Variants in BRCA1 observed in about 807,000 individuals in gnomAD.
BRCA1 encodes BRCA1 DNA repair associated, also known as breast cancer type 1 susceptibility protein.
Under a neutral mutation model 173.7 loss-of-function variants are expected in BRCA1, and 140 were observed. The observed-to-expected ratio is 0.81, with a 90% confidence interval of 0.70 to 0.93. BRCA1 has a LOEUF of 0.93. BRCA1 is among the 40% of genes least tolerant of loss of function. The probability of loss-of-function intolerance (pLI) is 0.00; values close to 1 mark genes in which losing one functional copy is unlikely to be tolerated. For missense variants in BRCA1, 1,983 were observed against 2,172.5 expected (o/e 0.91, Z 1.73); for synonymous variants, 662 against 756.0 (o/e 0.88, Z 2.04).
intron 1 of BRCA1, chr17:43,168,287 A>T: frequency 2.6e-6 from 1 of 382,762 alleles, no homozygotes; most frequent in Non-Finnish European, 5.2e-6. Flanking sequence ...CATTAGAAAA[A>T]CATGTATCTT....
intron 1 of BRCA1, among the ~76,000 whole-genome samples, chr17:43,135,108 A>C (rs1242021561): frequency 1.3e-5 from 2 of 152,242 alleles, no homozygotes; most frequent in Non-Finnish European, 2.9e-5. Flanking sequence ...CCATGGAATG[A>C]AGCACAAAGG....
chr17:43,067,498 C>T (rs1005623830), intron 16 of BRCA1, 110 bp downstream of exon 16: 40 of 821,962 alleles, frequency 4.9e-5, no homozygotes, highest in South Asian at 4.1e-4. Context: ...TCGTGATCTG[C>T]CCGCCTCGGC....
At chr17:43,074,192 C>G (rs1342816574) in intron 14 of BRCA1, 139 bp downstream of exon 14, 2 of 748,090 alleles carry the variant, frequency 2.7e-6, no homozygotes, top group Admixed American at 2.9e-5. Flanking sequence ...AGCTATTTTT[C>G]TAAAGTGGGC....
intron 1 of BRCA1, chr17:43,170,053 A>C (rs2056315710): frequency 1.2e-5 from 5 of 408,172 alleles, no homozygotes; most frequent in South Asian, 9.4e-5. Context: ...GAGTAGATGC[A>C]GGCAAGCTGG....
chr17:43,159,600 C>G (rs1352858813), intron 1 of BRCA1: 1 of 226,872 alleles, frequency 4.4e-6, no homozygotes, highest in African/African-American at 2.4e-5. Context: ...GACGGGGTCG[C>G]GGCCGGGCAG....
Position 43,074,454 on chromosome 17 carries a change from G to T in BRCA1, c.4552C>A (p.Gln1518Lys), listed in dbSNP as rs80356881. ...TCTTGAGATGGGTAGTTTCTATTCT[G>T]AAGACTCCCAGAGCAACTGTGCATG... is the stretch of plus-strand genomic sequence containing the variant. ...WYMHSCSGSL[Q>K]NRNYPSQEEL... The change falls in exon 14 of 23, where the codon CAG becomes AAG. Residue 1518 changes from glutamine (Q) to lysine (K), a missense_variant. Gln to Lys is a moderately conservative substitution (Grantham distance 53). Coordinates refer to ENST00000357654, the MANE Select transcript of BRCA1 (RefSeq NM_007294.4). 1.2e-6 allele frequency: 2 copies of T among 1,614,108 alleles called. No homozygotes were observed. The highest frequency in any genetic ancestry group is 1.7e-6 in the Non-Finnish European group (2 of 1,179,996).
chr17:43,078,154 G>A (rs924493228), intron 12 of BRCA1, among the ~76,000 whole-genome samples: 1 of 151,332 alleles, frequency 6.6e-6, no homozygotes, highest in African/African-American at 2.4e-5. Context: ...GCATGATCTC[G>A]GCTCACTGCA....
Position 43,120,938 on chromosome 17 carries a change from C to T in BRCA1, c.80+3079G>A, listed in dbSNP as rs565983370. Reference sequence around the variant, plus strand: ...AATTAGCCGGCCACGGTGGCGTGCGCCTATAATCCCAGCTACTCAGGAGGC... The same window carrying T: ...AATTAGCCGGCCACGGTGGCGTGCGTCTATAATCCCAGCTACTCAGGAGGC... On this transcript the variant is annotated intron_variant, in intron 2 of 22. Transcript: ENST00000357654. 2.0e-5 allele frequency among the ~76,000 whole-genome samples: 3 copies of T among 151,960 alleles called. No homozygotes were observed. In the South Asian group the frequency reaches 6.2e-4, roughly 32 times the overall value.
At chr17:43,139,381 T>G (rs901770576) in intron 1 of BRCA1, among the ~76,000 whole-genome samples, 1 of 151,888 alleles carries the variant, frequency 6.6e-6, no homozygotes, top group Non-Finnish European at 1.5e-5. Context: ...TTTTTTTTTT[T>G]GAGATAGAGT....
At chr17:43,079,213 G>C (rs1043415086) in intron 12 of BRCA1, 3 of 770,614 alleles carry the variant, frequency 3.9e-6, no homozygotes, top group Admixed American at 4.5e-5. Flanking sequence ...AAAAATGAAA[G>C]GCAGAGGGAA....
chr17:43,052,207 A>G (rs545715000), intron 19 of BRCA1, among the ~76,000 whole-genome samples: 2 of 152,344 alleles, frequency 1.3e-5, no homozygotes, highest in South Asian at 4.1e-4. Flanking sequence ...TAAGGTAGCC[A>G]TGAGTCACAT....
intron 1 of BRCA1, among the ~76,000 whole-genome samples, chr17:43,150,923 C>A (rs34534709): frequency 6.6e-6 from 1 of 151,928 alleles, no homozygotes; most frequent in Non-Finnish European, 1.5e-5. Context: ...GTGGTTTGGT[C>A]AACCTGACAG....
intron 1 of BRCA1, chr17:43,140,084 C>T (rs1882917229): frequency 2.8e-6 from 1 of 356,982 alleles, no homozygotes; most frequent in Non-Finnish European, 5.6e-6. Flanking sequence ...GCCCCATTCC[C>T]CATCCTCTGG....
chr17:43,060,400 C>T (rs1015198256), intron 18 of BRCA1, among the ~76,000 whole-genome samples: 1 of 152,060 alleles, frequency 6.6e-6, no homozygotes, highest in African/African-American at 2.4e-5. Flanking sequence ...GTTGGCCAGG[C>T]TGGTCTCAAA....
chr17:43,045,367 G>A lies in BRCA1; in HGVS notation c.*311C>T. On this transcript the variant is annotated 3_prime_UTR_variant, in exon 23 of 23. Transcript: ENST00000357654. ...AAGCCAACAACAGCCTGAATAGAAA[G>A]AATAGGGCTGATAAATAATGAATCA... is the stretch of plus-strand genomic sequence containing the variant. 1.7e-6 allele frequency: 1 copy of A among 600,742 alleles called. No individual in the cohort carries two copies. Among genetic ancestry groups the A allele is most frequent in the African/African-American group, 1.8e-5 (1 of 55,646 alleles). The allele number at this position is 600,742 out of a possible 1,614,324, so 37.2% of individuals were successfully genotyped here.
intron 9 of BRCA1, among the ~76,000 whole-genome samples, 198 bp downstream of exon 9, chr17:43,095,648 T>A (rs538407629): frequency 2.0e-5 from 3 of 151,794 alleles, no homozygotes; most frequent in African/African-American, 7.3e-5. Flanking sequence ...GAAGGTCTTA[T>A]TATAGGTACA....
At chr17:43,166,052 CTCTCTCTT>C (rs1371700293) in intron 1 of BRCA1, 2 of 151,154 alleles carry the variant, frequency 1.3e-5, no homozygotes, top group African/African-American at 2.4e-5. Context: ...CTTTGTATCT[CTCTCTCTT>C]TCTCTCTTTC....
At chr17:43,117,290 A>C (rs2055339122) in intron 2 of BRCA1, among the ~76,000 whole-genome samples, 1 of 152,090 alleles carries the variant, frequency 6.6e-6, no homozygotes, top group African/African-American at 2.4e-5. Flanking sequence ...AAAAATACAA[A>C]AATTAGCCGG....
chr17:43,148,011 C>T (rs1290078816), intron 1 of BRCA1, among the ~76,000 whole-genome samples: 11 of 152,238 alleles, frequency 7.2e-5, no homozygotes, highest in Non-Finnish European at 1.3e-4. Context: ...GGCTGGGGAG[C>T]TAATTTCACT....
Sources: gnomAD v4.1 joint callset for allele counts (sites outside exome capture counted in the v4.1 genomes callset) on GRCh38, gnomAD v4.1.1 for gene constraint, MANE v1.5 for transcripts, NCBI Gene and HGNC (gene_info 2026-07-23, HGNC 2026-07-21) for gene names.